Variants in LBP observed in about 807,000 individuals in gnomAD.
LBP encodes the protein lipopolysaccharide-binding protein.
A neutral mutation model predicts 56.6 loss-of-function variants in LBP; 53 were observed. The observed-to-expected ratio is 0.94, with a 90% CI of 0.75 to 1.18. The LOEUF is 1.18. Ranked by LOEUF, LBP falls within the 50% of genes most tolerant of loss-of-function variation. LBP has a pLI of 0.00. For synonymous variants in LBP, 227 were observed against 247.5 expected (o/e 0.92, Z 0.78); for missense variants, 601 against 598.3 (o/e 1.00, Z -0.05).
At chr20:38,369,214 C>G (rs955503184) in intron 10 of LBP, 52 bp downstream of exon 10, 26 of 1,534,480 alleles carry the variant, frequency 1.7e-5, no homozygotes, top group Non-Finnish European at 2.2e-5. Flanking sequence ...ACATGCTTTT[C>G]CCTTTTCCCC....
chr20:38,362,895 C>A (rs888222197), intron 6 of LBP, among the ~76,000 whole-genome samples: 1 of 149,092 alleles, frequency 6.7e-6, no homozygotes, highest in African/African-American at 2.5e-5. Context: ...CAGCGGTGGG[C>A]TGAAATTGTG....
At chr20:38,356,439 CACACACACACACACA>C (rs2076840930) in intron 5 of LBP, among the ~76,000 whole-genome samples, 2 of 149,478 alleles carry the variant, frequency 1.3e-5, no homozygotes, top group Non-Finnish European at 1.5e-5. Context: ...CACACACACA[CACACACACACACACA>C]CCCTCGTCTG....
intron 6 of LBP, among the ~76,000 whole-genome samples, chr20:38,362,624 AAAATAAT>A (rs550503164): frequency 4.5e-4 from 68 of 151,036 alleles, no homozygotes; most frequent in African/African-American, 1.5e-3. Flanking sequence ...ACAAAGAAAA[AAAATAAT>A]AAATAATAAA....
At chr20:38,371,441 T>C in intron 12 of LBP, 119 bp downstream of exon 12, 3 of 753,816 alleles carry the variant, frequency 4.0e-6, no homozygotes, top group Non-Finnish European at 6.7e-6. Context: ...TTTTTTGCCC[T>C]GCAGAAGTGT....
chr20:38,362,144 C>T (rs1360849484), intron 6 of LBP, among the ~76,000 whole-genome samples: 1 of 146,824 alleles, frequency 6.8e-6, no homozygotes, highest in Non-Finnish European at 1.5e-5. Flanking sequence ...CTGCAAGCTT[C>T]GCCTCGCGAT....
chr20:38,350,026 C>T (rs146084328), intron 2 of LBP, among the ~76,000 whole-genome samples: 35 of 152,128 alleles, frequency 2.3e-4, no homozygotes, highest in African/African-American at 7.0e-4. Flanking sequence ...AGTAGCCCAA[C>T]GGTTAGAGCT....
intron 2 of LBP, 63 bp from the exon 3 acceptor site, chr20:38,350,748 G>C: frequency 6.5e-7 from 1 of 1,545,110 alleles, no homozygotes; most frequent in Non-Finnish European, 8.8e-7. Context: ...GGAGGCGCAA[G>C]GTCCCTGGTG....
intron 14 of LBP, 116 bp from the exon 15 acceptor site, chr20:38,376,509 C>T (rs2083959193): frequency 1.1e-6 from 1 of 932,918 alleles, no homozygotes; most frequent in African/African-American, 1.6e-5. Flanking sequence ...TATGCACTGA[C>T]CTGGATTCTG....
At position 38,376,700 on chromosome 20, in the gene LBP, G is replaced by A. The variant is rs2083960758; in HGVS notation, c.*31G>A. 6.3e-7 allele frequency: 1 copy of A among 1,590,560 alleles called. No individual in the cohort carries two copies. The highest frequency in any genetic ancestry group is 8.6e-7 in the Non-Finnish European group (1 of 1,158,650). On this transcript the variant is annotated 3_prime_UTR_variant, in exon 15 of 15. Coordinates refer to ENST00000217407, the MANE Select transcript of LBP (RefSeq NM_004139.5). ...AGAAAGATGAAGCTTGGAGGTCACA[G>A]CTGGATCTGCTTGTTGCATTTCCAG...
chr20:38,349,512 A>T (rs2076812749), intron 1 of LBP, 36 bp from the exon 2 acceptor site: 2 of 1,495,082 alleles, frequency 1.3e-6, no homozygotes, highest in Non-Finnish European at 1.8e-6. Flanking sequence ...GGAGGCAGGC[A>T]GATCAAGCTG....
At chr20:38,359,449 G>A (rs995883713) in intron 5 of LBP, among the ~76,000 whole-genome samples, 3 of 152,092 alleles carry the variant, frequency 2.0e-5, no homozygotes, top group African/African-American at 7.2e-5. Context: ...GGGTGTGGTG[G>A]CACATGCCTG....
Position 38,370,749 on chromosome 20 carries a change from G to A in LBP, c.1161G>A (p.Val387=). 6.2e-7 allele frequency: 1 copy of A among 1,614,004 alleles called. No individual in the cohort carries two copies. Among genetic ancestry groups the A allele is most frequent in the Non-Finnish European group, 8.5e-7 (1 of 1,179,978 alleles). The stretch of plus-strand genomic sequence containing the variant: ...TCTGGCATTTCCAGGCCACTAATGT[G>A]TCCGCCACCTTGACCTTCAATACCA... ...PVFRLSVATN[V]SATLTFNTSK... Residue 387 remains valine (V), a synonymous_variant, in exon 11 of 15, where the codon GTG becomes GTA. Coordinates refer to ENST00000217407, the MANE Select transcript of LBP (RefSeq NM_004139.5).
intron 6 of LBP, among the ~76,000 whole-genome samples, chr20:38,362,495 C>T (rs2076864620): frequency 6.6e-6 from 1 of 151,184 alleles, no homozygotes; most frequent in South Asian, 2.1e-4. Context: ...TGCCTGTAAT[C>T]CCAGCTACTC....
chr20:38,373,860 G>C, intron 13 of LBP, 77 bp from the exon 14 acceptor site: 1 of 1,277,830 alleles, frequency 7.8e-7, no homozygotes, highest in Non-Finnish European at 1.1e-6. Flanking sequence ...AGTTTGCAGA[G>C]AACATTTTCG....
chr20:38,357,439 G>A (rs1018846257), intron 5 of LBP, among the ~76,000 whole-genome samples: 2 of 152,174 alleles, frequency 1.3e-5, no homozygotes, highest in African/African-American at 4.8e-5. Flanking sequence ...TCCCCACTCA[G>A]GGTGGGATGT....
intron 14 of LBP, among the ~76,000 whole-genome samples, chr20:38,375,766 G>A (rs73909020): frequency 0.013 from 2,009 of 152,226 alleles, 47 homozygotes; most frequent in African/African-American, 0.046. Context: ...TGGGTTGGCG[G>A]ACTCATTAGC....
intron 12 of LBP, 56 bp downstream of exon 12, chr20:38,371,378 C>T (rs1333465792): frequency 3.1e-6 from 4 of 1,296,266 alleles, no homozygotes; most frequent in Non-Finnish European, 4.5e-6. Context: ...GGGGTGTTTC[C>T]TAAGCAATTG....
chr20:38,373,244 C>T (rs1317110684), intron 13 of LBP, 109 bp downstream of exon 13: 1 of 885,422 alleles, frequency 1.1e-6, no homozygotes, highest in Admixed American at 2.0e-5. Flanking sequence ...TGACCGTGGG[C>T]AAGTCACTTC....
intron 6 of LBP, among the ~76,000 whole-genome samples, chr20:38,361,826 C>G (rs976119506): frequency 2.6e-5 from 4 of 152,030 alleles, no homozygotes; most frequent in African/African-American, 9.7e-5. Context: ...AAACAGAACA[C>G]GGCTGGTTTT....
Sources: gnomAD v4.1 joint callset for allele counts (sites outside exome capture counted in the v4.1 genomes callset) on GRCh38, gnomAD v4.1.1 for gene constraint, MANE v1.5 for transcripts, NCBI Gene and HGNC (gene_info 2026-07-23, HGNC 2026-07-21) for gene names.